CAMK2G: variants seen among roughly 807,000 people sequenced by gnomAD.
The protein encoded by CAMK2G is calcium/calmodulin dependent protein kinase II gamma.
A neutral mutation model predicts 88.7 loss-of-function variants in CAMK2G; 23 were observed. The ratio of observed to expected loss-of-function variants is 0.26; its 90% CI spans 0.19 to 0.37. CAMK2G has a LOEUF of 0.37. CAMK2G is among the 10% of genes least tolerant of loss of function. The pLI is 1.00. For missense variants in CAMK2G, 476 were observed against 780.8 expected (o/e 0.61, Z 4.65); for synonymous variants, 263 against 294.8 (o/e 0.89, Z 1.11).
intron 1 of CAMK2G, among the ~76,000 whole-genome samples, chr10:73,873,968 C>G (rs1027937813): frequency 1.1e-4 from 17 of 150,422 alleles, no homozygotes; most frequent in African/African-American, 3.7e-4. Context: ...GCCAAACAGC[C>G]CCCCCACGCC....
chr10:73,873,322 G>C, intron 1 of CAMK2G: 1 of 1,358,666 alleles, frequency 7.4e-7, no homozygotes, highest in Non-Finnish European at 9.5e-7. Context: ...TCCAGTCCCT[G>C]GGCAAGGCAA....
intron 3 of CAMK2G, among the ~76,000 whole-genome samples, chr10:73,860,430 A>G (rs1044092087): frequency 2.0e-5 from 3 of 152,132 alleles, no homozygotes; most frequent in African/African-American, 7.2e-5. Flanking sequence ...AGCAGGAACA[A>G]AACTCTTTCA....
At chr10:73,835,729 A>G (rs996098971) in intron 14 of CAMK2G, among the ~76,000 whole-genome samples, 2 of 152,178 alleles carry the variant, frequency 1.3e-5, no homozygotes, top group African/African-American at 4.8e-5. Context: ...TCAATCTACC[A>G]CACACCCTGT....
At chr10:73,853,915 G>A (rs971391624) in intron 3 of CAMK2G, among the ~76,000 whole-genome samples, 5 of 152,236 alleles carry the variant, frequency 3.3e-5, no homozygotes, top group African/African-American at 4.8e-5. Context: ...GGATTCAGGA[G>A]GAACAGACAG....
intron 18 of CAMK2G, among the ~76,000 whole-genome samples, chr10:73,820,566 A>G (rs543321714): frequency 4.4e-5 from 6 of 135,650 alleles, no homozygotes; most frequent in Admixed American, 4.0e-4. Flanking sequence ...GTGCAATCTC[A>G]GCTCACTGCA....
rs568354937 is a variant in CAMK2G at position 73,848,474 on chromosome 10, G to C, written c.601+52C>G. 1 of 1,141,898 alleles carries C rather than the reference G, an allele frequency of 8.8e-7. No individual in the cohort carries two copies. Among genetic ancestry groups the C allele is most frequent in the Non-Finnish European group, 1.3e-6 (1 of 754,122 alleles). The allele number at this position is 1,141,898 out of a possible 1,614,324, so 70.7% of individuals were successfully genotyped here. On this transcript the variant is annotated intron_variant, in intron 8 of 22. Transcript: ENST00000423381. The surrounding 1 kb of genome is among the most constrained non-coding windows in gnomAD (Gnocchi z 4.5). ...GCGATGCCTCTTTCTTGCCATCATC[G>C]GAAGTTGAGGGCCCTTAACAGCGAA... is the stretch of plus-strand genomic sequence containing the variant.
At position 73,839,937 on chromosome 10, in the gene CAMK2G, G is replaced by A. The variant is rs945740765; in HGVS notation, c.947-336C>T. Among the ~76,000 whole-genome samples the A allele has an allele frequency of 3.3e-5, 5 of 152,136 alleles. No individual in the cohort carries two copies. Among genetic ancestry groups the A allele is most frequent in the Admixed American group, 2.6e-4 (4 of 15,286 alleles). On this transcript the variant is annotated intron_variant, in intron 12 of 22. Coordinates refer to ENST00000423381, the MANE Select transcript of CAMK2G (RefSeq NM_001367534.1). The surrounding 1 kb of genome is among the most constrained non-coding windows in gnomAD (Gnocchi z 4.2). ...GCAGGTGCCCCTTCTGAGGTAGCCC[G>A]GCCCTAGCTTAAGGCTGTGATGAAA...
intron 14 of CAMK2G, among the ~76,000 whole-genome samples, chr10:73,831,855 G>A (rs1341848353): frequency 6.6e-6 from 1 of 151,572 alleles, no homozygotes; most frequent in Non-Finnish European, 1.5e-5. Flanking sequence ...GTGAGACCCT[G>A]TCTCAAAAAA....
At chr10:73,855,295 A>T (rs1186676503) in intron 3 of CAMK2G, among the ~76,000 whole-genome samples, 1 of 152,206 alleles carries the variant, frequency 6.6e-6, no homozygotes, top group East Asian at 1.9e-4. Context: ...TTAATTAAAA[A>T]TTTGCTATTA....
At chr10:73,815,784 A>G in intron 21 of CAMK2G, 2 of 985,052 alleles carry the variant, frequency 2.0e-6, no homozygotes, top group Non-Finnish European at 2.4e-6. Flanking sequence ...GCTGAAATAG[A>G]ATCATCAAAG....
In CAMK2G at chr10:73,852,313, G is replaced by A. The variant is rs1048451500; in HGVS notation, c.282C>T (p.Thr94=). 9.9e-6 allele frequency: 16 copies of A among 1,613,752 alleles called. No homozygotes were observed. Among genetic ancestry groups the A allele is most frequent in the Admixed American group, 1.7e-5 (1 of 59,992 alleles). Residue 94 remains threonine, a synonymous_variant, in exon 5 of 23, where the codon ACC becomes ACT. Transcript: ENST00000423381. ...GFHYLVFDLV[T]GGELFEDIVA... is the part of the protein sequence containing the mutation. ...CAATGTCTTCAAACAGCTCCCCGCC[G>A]GTAACACTGCAACCAACGGGAAGAA...
At position 73,815,011 on chromosome 10, in the gene CAMK2G, G is replaced by A; in HGVS notation, c.*4C>T. On this transcript the variant is annotated 3_prime_UTR_variant, in exon 22 of 23. Transcript: ENST00000423381. ...CCGTCAACCAGGTGCACCTGTGGCT[G>A]AGCTCACTGCAGCGGTGCGGCAGGG... 2 of 1,607,678 alleles carry A rather than the reference G, an allele frequency of 1.2e-6. No individual in the cohort carries two copies.
intron 3 of CAMK2G, among the ~76,000 whole-genome samples, chr10:73,857,529 C>A (rs2095127244): frequency 6.6e-6 from 1 of 152,176 alleles, no homozygotes; most frequent in South Asian, 2.1e-4. Flanking sequence ...AGACTCAGGT[C>A]CTACCCCAGA....
Position 73,825,472 on chromosome 10 carries a change from C to T in CAMK2G, c.1087-125G>A, listed in dbSNP as rs1353832803. 40 of 731,228 alleles carry T rather than the reference C, an allele frequency of 5.5e-5. No homozygotes were observed. The East Asian group carries it at 7.7e-4, about 14-fold the overall frequency. 45.3% of individuals were successfully genotyped at this position (731,228 alleles called of 1,614,324 possible). ...GGTAGGCCTGAGGTGGCCTCCATAA[C>T]GCTGTGTAGATGGGAGCGATGGCTA... is the stretch of plus-strand genomic sequence containing the variant. On this transcript the variant is annotated intron_variant, in intron 15 of 22. Transcript: ENST00000423381.
intron 14 of CAMK2G, among the ~76,000 whole-genome samples, chr10:73,831,094 G>C (rs1215597527): frequency 3.9e-5 from 6 of 152,070 alleles, no homozygotes; most frequent in Non-Finnish European, 8.8e-5. Context: ...TCTCCTTTTC[G>C]TTTCTCACCC....
chr10:73,828,012 G>T, intron 15 of CAMK2G, 77 bp downstream of exon 15: 2 of 1,140,926 alleles, frequency 1.8e-6, no homozygotes, highest in Non-Finnish European at 2.7e-6. Context: ...ACACGCACGT[G>T]GCAGAACAGG....
In CAMK2G at chr10:73,814,068, C is replaced by A. The variant is rs1182714723; in HGVS notation, c.*450G>T. 2 of 152,250 alleles carry A rather than the reference C, an allele frequency of 1.3e-5. No homozygotes were observed. The highest frequency in any genetic ancestry group is 4.8e-5 in the African/African-American group (2 of 41,426). 9.4% of individuals were successfully genotyped at this position (152,250 alleles called of 1,614,324 possible). ...GCCACCTCAGGAGCTGCAATCACAT[C>A]ACGGCCCCCAAAGCTCTGTCAGAGT... On this transcript the variant is annotated 3_prime_UTR_variant, in exon 23 of 23. Transcript: ENST00000423381.
At chr10:73,850,980 C>T (rs550370408) in intron 5 of CAMK2G, among the ~76,000 whole-genome samples, 144 of 152,336 alleles carry the variant, frequency 9.5e-4, no homozygotes, top group African/African-American at 3.2e-3. Flanking sequence ...AGTCACCCCC[C>T]CTCAGGGCCC....
At chr10:73,845,533 C>T (rs980058633) in intron 10 of CAMK2G, among the ~76,000 whole-genome samples, 8 of 150,306 alleles carry the variant, frequency 5.3e-5, no homozygotes, top group Admixed American at 2.0e-4. Context: ...AGTGAGACCG[C>T]GCCACTGCAC....
Sources: allele counts gnomAD v4.1 joint callset (sites outside exome capture counted in the v4.1 genomes callset), GRCh38; gene constraint gnomAD v4.1.1; non-coding constraint Gnocchi (gnomAD v3.1); transcripts MANE v1.5; gene names NCBI Gene and HGNC (gene_info 2026-07-23, HGNC 2026-07-21).